Variants in EGFL7 observed in about 807,000 individuals in gnomAD.
The protein encoded by EGFL7 is epidermal growth factor-like protein 7.
Under a neutral mutation model 37.1 loss-of-function variants are expected in EGFL7, and 48 were observed. The observed-to-expected ratio is 1.29, with a 90% CI of 1.03 to 1.65. EGFL7 has a LOEUF of 1.65. Among genes scored for constraint, EGFL7 ranks in the 40% most tolerant of loss-of-function variants. The pLI is 0.00. For missense variants in EGFL7, 384 were observed against 378.9 expected (o/e 1.01, Z -0.11); for synonymous variants, 180 against 156.8 (o/e 1.15, Z -1.10).
upstream of EGFL7, among the ~76,000 whole-genome samples, chr9:136,662,126 C>G (rs1053280249): frequency 6.6e-6 from 1 of 152,188 alleles, no homozygotes; most frequent in African/African-American, 2.4e-5. Context: ...CAGAGCACCC[C>G]CTGTGATCAC....
At chr9:136,668,738 G>C in intron 5 of EGFL7, 65 bp downstream of exon 5, 1 of 1,354,550 alleles carries the variant, frequency 7.4e-7, no homozygotes. Context: ...ACATCAGCAT[G>C]TCAGGGGCGA....
intron 3 of EGFL7, among the ~76,000 whole-genome samples, chr9:136,667,407 C>T (rs552753870): frequency 1.1e-4 from 17 of 152,300 alleles, no homozygotes; most frequent in Admixed American, 9.1e-4. Flanking sequence ...CCCCTGGCTG[C>T]GCATAGGACA....
intron 3 of EGFL7, among the ~76,000 whole-genome samples, chr9:136,668,008 G>A (rs73668352): frequency 8.3e-4 from 126 of 152,178 alleles, no homozygotes; most frequent in African/African-American, 2.8e-3. Flanking sequence ...TCTGGACAGC[G>A]TCACCCCCCC....
At chr9:136,664,949 T>C (rs1468613154) in intron 3 of EGFL7, among the ~76,000 whole-genome samples, 164 bp downstream of exon 3, 1 of 152,260 alleles carries the variant, frequency 6.6e-6, no homozygotes. Context: ...TAACAATTGT[T>C]GTGTGGCCAC....
rs1397993907 is a variant in EGFL7 at position 136,663,489 on chromosome 9, G to A, written c.-271G>A. On this transcript the variant is annotated 5_prime_UTR_variant, in exon 2 of 11. Coordinates refer to ENST00000308874, the MANE Select transcript of EGFL7 (RefSeq NM_016215.5). ...TTCGCGCTACGCCCTGCGGTGTCCC[G>A]AGGGCTGAGGTCTCCTCATCTTCTC... 1.3e-5 allele frequency: 2 copies of A among 152,398 alleles called. No homozygotes were observed. Among genetic ancestry groups the A allele is most frequent in the South Asian group, 2.1e-4 (1 of 4,828 alleles). The allele number at this position is 152,398 out of a possible 1,614,324, so 9.4% of individuals were successfully genotyped here.
In EGFL7 at chr9:136,672,032, GCCGCA is replaced by G; in HGVS notation, c.744_748del (p.Ile250LeufsTer32). On this transcript the variant is annotated frameshift_variant, in exon 10 of 11. Coordinates refer to ENST00000308874, the MANE Select transcript of EGFL7 (RefSeq NM_016215.5). LOFTEE classifies it high-confidence loss of function. ...CTGGTGCACTCCTTCCAGCAGCTCG[GCCGCA>G]TCGACTCCCTGAGCGAGCAGATTTC... The G allele has an allele frequency of 6.5e-7, 1 of 1,545,114 alleles. No homozygotes were observed. Among genetic ancestry groups the G allele is most frequent in the Non-Finnish European group, 8.7e-7 (1 of 1,146,884 alleles).
At position 136,671,994 on chromosome 9, in the gene EGFL7, C is replaced by T. The variant is rs1248251941; in HGVS notation, c.705C>T (p.Asp235=). 3.2e-6 allele frequency: 5 copies of T among 1,543,078 alleles called. No homozygotes were observed. Among genetic ancestry groups the T allele is most frequent in the Non-Finnish European group, 4.4e-6 (5 of 1,146,646 alleles). ...ASQALEHGLP[D]PGSLLVHSFQ... The stretch of plus-strand genomic sequence containing the variant: ...AGGCACTGGAGCATGGGCTCCCGGA[C>T]CCCGGCAGCCTCCTGGTGCACTCCT... Residue 235 remains aspartate (D), a synonymous_variant, in exon 10 of 11, where the codon GAC becomes GAT. Coordinates refer to ENST00000308874, the MANE Select transcript of EGFL7 (RefSeq NM_016215.5).
At chr9:136,660,618 T>C (rs1189549739), upstream of EGFL7, among the ~76,000 whole-genome samples, 1 of 152,120 alleles carries the variant, frequency 6.6e-6, no homozygotes, top group African/African-American at 2.4e-5. Context: ...CCCTTGCCTG[T>C]AAGCACAGCA....
chr9:136,672,054 G>T lies in EGFL7; in HGVS notation c.765G>T (p.Glu255Asp). 1 of 1,546,306 alleles carries T rather than the reference G, an allele frequency of 6.5e-7. No individual in the cohort carries two copies. Among genetic ancestry groups the T allele is most frequent in the African/African-American group, 1.4e-5 (1 of 73,234 alleles). The change falls in exon 10 of 11, where the codon GAG (glutamate) becomes GAT (aspartate). Residue 255 changes from glutamate (E) to aspartate (D), a missense_variant. Physicochemically the swap from Glu to Asp is conservative, Grantham distance 45. Transcript: ENST00000308874. ...QQLGRIDSLS[E>D]QISFLEEQLG... is the part of the protein sequence containing the mutation. The stretch of plus-strand genomic sequence containing the variant: ...TCGGCCGCATCGACTCCCTGAGCGA[G>T]CAGATTTCCTTCCTGGAGGAGCAGC...
chr9:136,659,816 G>A (rs1845026364), upstream of EGFL7, among the ~76,000 whole-genome samples: 1 of 152,246 alleles, frequency 6.6e-6, no homozygotes, highest in African/African-American at 2.4e-5. Flanking sequence ...CACCACCCCA[G>A]GCAGGGTGAA....
At position 136,670,239 on chromosome 9, in the gene EGFL7, G is replaced by C; in HGVS notation, c.480G>C (p.Trp160Cys). Reference sequence around the variant, plus strand: ...GCGTCAACACCGCCGGCAGTTACTGGTGCCAGTGTTGGGAGGGGCACAGCC... The same window carrying C: ...GCGTCAACACCGCCGGCAGTTACTGCTGCCAGTGTTGGGAGGGGCACAGCC... ...QRCVNTAGSY[W>C]CQCWEGHSLS... is the part of the protein sequence containing the mutation. The change falls in exon 8 of 11, where the codon TGG (tryptophan) becomes TGC (cysteine). Residue 160 changes from tryptophan (W) to cysteine (C), a missense_variant. By Grantham distance (215) the Trp-to-Cys change is radical. Transcript: ENST00000308874. 6.2e-7 allele frequency: 1 copy of C among 1,612,596 alleles called. No individual in the cohort carries two copies. Among genetic ancestry groups the C allele is most frequent in the Non-Finnish European group, 8.5e-7 (1 of 1,179,824 alleles).
chr9:136,659,271 C>T (rs9411259), upstream of EGFL7: 122,237 of 152,218 alleles, frequency 0.8, 49,191 homozygotes, highest in Non-Finnish European at 0.83. Context: ...CTCCAGCCCC[C>T]GTCGGGTCCG....
Position 136,668,768 on chromosome 9 carries a change from A to T in EGFL7, c.197+95A>T, listed in dbSNP as rs1845647971. On this transcript the variant is annotated intron_variant, in intron 5 of 10. Transcript: ENST00000308874. ...GGGCGAGGCGGGGGTGAATCCTGGG[A>T]CCCAAGATGGGAAACTGAGGCCAGA... The T allele has an allele frequency of 4.4e-6, 5 of 1,137,380 alleles. No homozygotes were observed. The Admixed American group carries it at 7.1e-5, about 16-fold the overall frequency. 70.5% of individuals were successfully genotyped at this position (1,137,380 alleles called of 1,614,324 possible). A position where few individuals can be genotyped will look rare whatever the true frequency, so the allele number is the denominator to read the frequency against.
chr9:136,667,247 C>A (rs1051652594), intron 3 of EGFL7, among the ~76,000 whole-genome samples: 1 of 152,166 alleles, frequency 6.6e-6, no homozygotes, highest in Non-Finnish European at 1.5e-5. Flanking sequence ...GACAGCCTTA[C>A]CCCAGCCTCT....
chr9:136,670,399 G>A, intron 8 of EGFL7, 69 bp downstream of exon 8: 1 of 1,471,370 alleles, frequency 6.8e-7, no homozygotes. Context: ...GTGGCTGTTA[G>A]GCATGGTGGG....
Position 136,670,228 on chromosome 9 carries a change from G to A in EGFL7, c.469G>A (p.Gly157Ser), listed in dbSNP as rs773233071. 64 of 1,612,486 alleles carry A rather than the reference G, an allele frequency of 4.0e-5. No homozygotes were observed. The East Asian group carries it at 8.0e-4, about 20-fold the overall frequency. The change falls in exon 8 of 11, where the codon GGC becomes AGC. Residue 157 changes from glycine to serine, a missense_variant. By Grantham distance (56) the Gly-to-Ser change is moderately conservative (BLOSUM62 0). Coordinates refer to ENST00000308874, the MANE Select transcript of EGFL7 (RefSeq NM_016215.5). ...GCPQRCVNTAGSYWCQCWEGH... is the reference protein window; with the variant it reads ...GCPQRCVNTASSYWCQCWEGH... ...TCCCCAGCGCTGCGTCAACACCGCC[G>A]GCAGTTACTGGTGCCAGTGTTGGGA...
chr9:136,669,998 C>T lies in EGFL7; in HGVS notation c.398C>T (p.Thr133Ile). 1 of 1,598,172 alleles carries T rather than the reference C, an allele frequency of 6.3e-7. No homozygotes were observed. The highest frequency in any genetic ancestry group is 1.1e-5 in the South Asian group (1 of 89,696). The change falls in exon 7 of 11, where the codon ACT (threonine) becomes ATT (isoleucine). Residue 133 changes from threonine to isoleucine, a missense_variant. Thr to Ile is a moderately conservative substitution (Grantham distance 89). Coordinates refer to ENST00000308874, the MANE Select transcript of EGFL7 (RefSeq NM_016215.5). ...TGCCCTGCAGGATGGCGGGGTGACA[C>T]TTGCCAGTCAGGTGAGGCTGGCTCT... Reference protein sequence around the residue: ...CRCPAGWRGDTCQSDVDECSA... With the variant: ...CRCPAGWRGDICQSDVDECSA...
chr9:136,670,867 C>T, intron 8 of EGFL7, 83 bp from the exon 9 acceptor site: 6 of 1,330,278 alleles, frequency 4.5e-6, no homozygotes, highest in Admixed American at 2.1e-5. Flanking sequence ...TCTGGCTCTG[C>T]CTCTCCCTGG....
At position 136,670,583 on chromosome 9, in the gene EGFL7, C is replaced by T. The variant is rs770847061; in HGVS notation, c.571+253C>T. The T allele has an allele frequency of 6.4e-6, 5 of 780,466 alleles. No homozygotes were observed. The Admixed American group carries it at 8.5e-5, about 13-fold the overall frequency. The allele number at this position is 780,466 out of a possible 1,614,324, so 48.3% of individuals were successfully genotyped here. On this transcript the variant is annotated intron_variant, in intron 8 of 10. Coordinates refer to ENST00000308874, the MANE Select transcript of EGFL7 (RefSeq NM_016215.5). ...TCCTGTCTGCATCCAGCGCAGCATT[C>T]TGGAAGACGCCACGCCTCCGCTGGC... is the stretch of plus-strand genomic sequence containing the variant.
Sources: allele counts gnomAD v4.1 joint callset (sites outside exome capture counted in the v4.1 genomes callset), GRCh38; gene constraint gnomAD v4.1.1; transcripts MANE v1.5; gene names NCBI Gene and HGNC (gene_info 2026-07-23, HGNC 2026-07-21).